The following SHISAL1 variants were observed in gnomAD, a reference collection of about 807,000 sequenced individuals.
The protein encoded by SHISAL1 is shisa like 1.
SHISAL1 carries 9 observed loss-of-function variants against 22.6 expected under a neutral mutation model. The ratio of observed to expected loss-of-function variants is 0.40; its 90% CI spans 0.24 to 0.70. The LOEUF (loss-of-function observed/expected upper bound fraction) is 0.70. Ranked by LOEUF, SHISAL1 falls within the 30% of genes least tolerant of loss-of-function variation. The pLI is 0.39. For synonymous variants in SHISAL1, 119 were observed against 115.4 expected, an observed-to-expected ratio of 1.03 and a Z score of -0.20; for missense variants, 246 against 270.6, an observed-to-expected ratio of 0.91 and a Z score of 0.64.
chr22:44,326,107 C>T, the SHISAL1 span, among the ~76,000 whole-genome samples: 31 of 152,092 alleles, frequency 2.0e-4, no homozygotes, highest in South Asian at 2.9e-3. Context: ...GCATTTCTTT[C>T]GGTCTGTAAA....
At chr22:44,292,220 G>C (rs1420511771) in intron 3 of SHISAL1, among the ~76,000 whole-genome samples, 2 of 152,180 alleles carry the variant, frequency 1.3e-5, no homozygotes, top group Admixed American at 1.3e-4. Flanking sequence ...CGATGGGGGA[G>C]GACCAGGAGC....
intron 4 of SHISAL1, among the ~76,000 whole-genome samples, chr22:44,250,118 T>C (rs2055037213): frequency 6.6e-6 from 1 of 152,212 alleles, no homozygotes; most frequent in Non-Finnish European, 1.5e-5. Flanking sequence ...CTAGGGTAAT[T>C]ATATGTCATG....
the SHISAL1 span, among the ~76,000 whole-genome samples, chr22:44,322,542 T>C: frequency 5.9e-5 from 9 of 152,214 alleles, no homozygotes. Context: ...CAGTTTGACT[T>C]TACAGGTTGC....
chr22:44,249,388 G>T lies in SHISAL1; in HGVS notation c.*297C>A, dbSNP rs149641738. Reference sequence around the variant, plus strand: ...AATCAGCCAGAGTTGCTTTGTCTTGGTCATCCTGAGTCCACAATGAGTCAC... The same window carrying T: ...AATCAGCCAGAGTTGCTTTGTCTTGTTCATCCTGAGTCCACAATGAGTCAC... On this transcript the variant is annotated 3_prime_UTR_variant, in exon 5 of 5. Coordinates refer to ENST00000381176, the MANE Select transcript of SHISAL1 (RefSeq NM_001099294.2). The T allele has an allele frequency of 1.4e-3, 477 of 351,124 alleles. No individual in the cohort carries two copies. The highest frequency in any genetic ancestry group is 4.7e-3 in the African/African-American group (223 of 47,078). The allele number at this position is 351,124 out of a possible 1,614,324, so 21.8% of individuals were successfully genotyped here. A position where few individuals can be genotyped will look rare whatever the true frequency, so the allele number is the denominator to read the frequency against.
chr22:44,296,624 T>C, intron 3 of SHISAL1, 48 bp downstream of exon 3: 1 of 1,564,460 alleles, frequency 6.4e-7, no homozygotes, highest in Non-Finnish European at 8.8e-7. Context: ...GCAGGCCCCT[T>C]GCCTGGGGCC....
intron 4 of SHISAL1, among the ~76,000 whole-genome samples, chr22:44,260,076 C>T (rs572795409): frequency 6.6e-6 from 1 of 152,268 alleles, no homozygotes; most frequent in East Asian, 1.9e-4. Flanking sequence ...CCAGACTACC[C>T]GACTGAGAAG....
chr22:44,296,959 C>A, intron 2 of SHISAL1, 74 bp from the exon 3 acceptor site: 1 of 1,199,926 alleles, frequency 8.3e-7, no homozygotes, highest in Non-Finnish European at 1.2e-6. Flanking sequence ...GGGGACTGGC[C>A]GGCCTCTTCT....
At position 44,285,612 on chromosome 22, in the gene SHISAL1, C is replaced by T; in HGVS notation, c.415G>A (p.Gly139Arg). The T allele has an allele frequency of 6.2e-7, 1 of 1,614,196 alleles. No individual in the cohort carries two copies. The highest frequency in any genetic ancestry group is 8.5e-7 in the Non-Finnish European group (1 of 1,180,000). Reference sequence around the variant, plus strand: ...CGGGGGTCCTGTTTCATCCATCGTCCTTGGATGCCCCACCGTGCCAGGTAG... The same window carrying T: ...CGGGGGTCCTGTTTCATCCATCGTCTTTGGATGCCCCACCGTGCCAGGTAG... ...KVYLARWGIQ[G>R]RWMKQDPRRW... Residue 139 changes from glycine (G) to arginine (R), a missense_variant, in exon 4 of 5, where the codon GGA becomes AGA. Physicochemically the swap from Gly to Arg is moderately radical, Grantham distance 125. This residue lies in a region of SHISAL1 where 136 missense variants were observed against 117.5 expected (regional missense o/e 1.16). Coordinates refer to ENST00000381176, the MANE Select transcript of SHISAL1 (RefSeq NM_001099294.2).
In SHISAL1 at chr22:44,244,254, A is replaced by C. The variant is rs1043669; in HGVS notation, c.*5431T>G. 15,916 of 152,242 alleles carry C rather than the reference A, an allele frequency of 0.1. 940 individuals are homozygous for C. The highest frequency in any genetic ancestry group is 0.13 in the Non-Finnish European group (8,685 of 68,028). The allele number at this position is 152,242 out of a possible 1,614,324, so 9.4% of individuals were successfully genotyped here. A position where few individuals can be genotyped will look rare whatever the true frequency, so the allele number is the denominator to read the frequency against. Reference sequence around the variant, plus strand: ...CTGTGCTCAGGGTTGGCGCTGACCAATGTGGGATCCTGCACATTTTGGAGG... The same window carrying C: ...CTGTGCTCAGGGTTGGCGCTGACCACTGTGGGATCCTGCACATTTTGGAGG... On this transcript the variant is annotated 3_prime_UTR_variant, in exon 5 of 5. Coordinates refer to ENST00000381176, the MANE Select transcript of SHISAL1 (RefSeq NM_001099294.2).
intron 1 of SHISAL1, among the ~76,000 whole-genome samples, chr22:44,311,125 G>A (rs1366200460): frequency 6.6e-6 from 1 of 151,888 alleles, no homozygotes; most frequent in African/African-American, 2.4e-5. Flanking sequence ...TTTTAGCCTA[G>A]AAACCCAACT....
chr22:44,261,337 C>T (rs135429), intron 4 of SHISAL1, among the ~76,000 whole-genome samples: 91,462 of 151,190 alleles, frequency 0.6, 28,428 homozygotes, highest in South Asian at 0.68. Context: ...CTATCTCCAC[C>T]TAGAAAACTC....
intron 3 of SHISAL1, among the ~76,000 whole-genome samples, chr22:44,288,082 C>T (rs12157524): frequency 0.011 from 1,721 of 152,222 alleles, 35 homozygotes; most frequent in African/African-American, 0.039. Context: ...TGGCAGTGGA[C>T]GCTCGTTCCC....
chr22:44,263,239 T>A (rs1387257635), intron 4 of SHISAL1, among the ~76,000 whole-genome samples: 1 of 151,850 alleles, frequency 6.6e-6, no homozygotes, highest in African/African-American at 2.4e-5. Context: ...CCCAGTTAGT[T>A]CTTGTATTTT....
intron 4 of SHISAL1, 76 bp from the exon 5 acceptor site, chr22:44,249,761 G>A (rs1008773341): frequency 7.9e-5 from 61 of 769,842 alleles, no homozygotes; most frequent in East Asian, 1.7e-4. Context: ...CCTCAGTGCC[G>A]GAAGAAGCCA....
chr22:44,315,894 G>A (rs1326148868), upstream of SHISAL1, among the ~76,000 whole-genome samples: 2 of 152,038 alleles, frequency 1.3e-5, no homozygotes, highest in East Asian at 1.9e-4. Context: ...AGGTGATTCC[G>A]CAATGGCAGG....
chr22:44,282,014 C>T (rs371184350), intron 4 of SHISAL1, among the ~76,000 whole-genome samples: 3 of 152,196 alleles, frequency 2.0e-5, no homozygotes, highest in African/African-American at 7.2e-5. Context: ...TGATGGAGTG[C>T]GTGTCTGTGG....
the SHISAL1 span, among the ~76,000 whole-genome samples, chr22:44,324,300 C>T: frequency 1.3e-5 from 2 of 152,304 alleles, no homozygotes; most frequent in Non-Finnish European, 2.9e-5. Flanking sequence ...AGCTGGCTCC[C>T]CCCTGCCTGG....
chr22:44,286,057 T>C (rs965889651), intron 3 of SHISAL1, among the ~76,000 whole-genome samples: 1 of 152,206 alleles, frequency 6.6e-6, no homozygotes, highest in African/African-American at 2.4e-5. Context: ...AGCTGGCATC[T>C]GGGGCTCCCA....
At chr22:44,265,057 C>T (rs75405160) in intron 4 of SHISAL1, among the ~76,000 whole-genome samples, 13,226 of 152,146 alleles carry the variant, frequency 0.087, 819 homozygotes, top group African/African-American at 0.17. Flanking sequence ...TGCTCTCAGT[C>T]CCCCCATCTG....
Sources: allele counts gnomAD v4.1 joint callset (sites outside exome capture counted in the v4.1 genomes callset), GRCh38; gene constraint gnomAD v4.1.1; regional missense constraint gnomAD v4.1.1; transcripts MANE v1.5; gene names NCBI Gene and HGNC (gene_info 2026-07-23, HGNC 2026-07-21).